The following RAP1GDS1 variants were observed in gnomAD, a reference collection of about 807,000 sequenced individuals.
RAP1GDS1 encodes Rap1 GTPase-GDP dissociation stimulator 1.
Under a neutral mutation model 71.1 loss-of-function variants are expected in RAP1GDS1, and 35 were observed. That is an observed-to-expected ratio of 0.49 (90% CI 0.38 to 0.65). RAP1GDS1 has a LOEUF of 0.65. Ranked by LOEUF, RAP1GDS1 falls within the 30% of genes least tolerant of loss-of-function variation. The pLI, the probability that RAP1GDS1 is intolerant of heterozygous loss-of-function variation, is 0.00. For missense variants in RAP1GDS1, 663 were observed against 706.1 expected (o/e 0.94, Z 0.69); for synonymous variants, 229 against 243.1 (o/e 0.94, Z 0.54).
chr4:98,353,929 A>G (rs188578087), intron 4 of RAP1GDS1, among the ~76,000 whole-genome samples: 13 of 152,300 alleles, frequency 8.5e-5, no homozygotes, highest in Non-Finnish European at 2.9e-5. Flanking sequence ...TTAGCAACAT[A>G]TATTAGACCT....
Position 98,343,185 on chromosome 4 carries a change from G to A in RAP1GDS1, c.159G>A (p.Leu53=). The A allele has an allele frequency of 6.2e-7, 1 of 1,607,678 alleles. No homozygotes were observed. Among genetic ancestry groups the A allele is most frequent in the Non-Finnish European group, 8.5e-7 (1 of 1,174,352 alleles). Residue 53 remains leucine, a synonymous_variant, in exon 3 of 15, where the codon CTG becomes CTA. Transcript: ENST00000408927. ...EKIQASGILQ[L]FASLLTPQSS... is the part of the protein sequence containing the mutation. ...TCCAAGCAAGTGGAATACTTCAGCT[G>A]TTTGCAAGTCTGTTGACTCCACAGT...
chr4:98,400,161 T>TAAA (rs145469468), intron 6 of RAP1GDS1, among the ~76,000 whole-genome samples: 1 of 150,318 alleles, frequency 6.7e-6, no homozygotes, highest in Non-Finnish European at 1.5e-5. Context: ...CATCTCAGTT[T>TAAA]AAAAAAAAAC....
At chr4:98,284,868 T>G (rs1725748571) in intron 1 of RAP1GDS1, among the ~76,000 whole-genome samples, 1 of 152,168 alleles carries the variant, frequency 6.6e-6, no homozygotes, top group Admixed American at 6.6e-5. Flanking sequence ...CTTTGAGTCC[T>G]TTCATGCCAG....
intron 7 of RAP1GDS1, among the ~76,000 whole-genome samples, chr4:98,415,069 A>G (rs1313108458): frequency 6.6e-6 from 1 of 152,132 alleles, no homozygotes; most frequent in African/African-American, 2.4e-5. Context: ...TTGATTTTGT[A>G]TTCCCCAGGG....
At chr4:98,405,971 T>A (rs1746054859) in intron 7 of RAP1GDS1, among the ~76,000 whole-genome samples, 1 of 152,116 alleles carries the variant, frequency 6.6e-6, no homozygotes. Context: ...GTAAAAGGAG[T>A]TAGAGTCCTA....
At chr4:98,343,836 G>A (rs897295021) in intron 3 of RAP1GDS1, among the ~76,000 whole-genome samples, 2 of 152,098 alleles carry the variant, frequency 1.3e-5, no homozygotes, top group South Asian at 2.1e-4. Context: ...TTATATCATA[G>A]CATAAATATT....
chr4:98,279,445 A>G (rs1386305428), intron 1 of RAP1GDS1, among the ~76,000 whole-genome samples: 2 of 151,822 alleles, frequency 1.3e-5, no homozygotes, highest in Non-Finnish European at 1.5e-5. Context: ...ATTTCAGATA[A>G]CTAGTAAATG....
chr4:98,281,862 T>G (rs1176294374), intron 1 of RAP1GDS1, among the ~76,000 whole-genome samples: 1 of 152,132 alleles, frequency 6.6e-6, no homozygotes, highest in African/African-American at 2.4e-5. Flanking sequence ...ATCTATTGAA[T>G]TAATCATGTG....
intron 13 of RAP1GDS1, among the ~76,000 whole-genome samples, chr4:98,435,635 C>T (rs141941531): frequency 1.8e-4 from 27 of 152,028 alleles, no homozygotes; most frequent in African/African-American, 6.0e-4. Context: ...TTCAAACTTA[C>T]GTTGTTCAAG....
chr4:98,313,419 T>C (rs1279971854), intron 2 of RAP1GDS1, among the ~76,000 whole-genome samples: 1 of 152,226 alleles, frequency 6.6e-6, no homozygotes, highest in Admixed American at 6.5e-5. Context: ...GCCCAGCTAA[T>C]TGATAGAAAA....
intron 1 of RAP1GDS1, among the ~76,000 whole-genome samples, chr4:98,264,460 T>G (rs1722455715): frequency 6.6e-6 from 1 of 152,044 alleles, no homozygotes; most frequent in Non-Finnish European, 1.5e-5. Flanking sequence ...GAAAGAAAAG[T>G]CCTATATAAC....
chr4:98,437,421 G>A (rs1751284716), intron 14 of RAP1GDS1, among the ~76,000 whole-genome samples: 1 of 152,134 alleles, frequency 6.6e-6, no homozygotes, highest in Non-Finnish European at 1.5e-5. Context: ...TGCAAAATCA[G>A]TAAGTCTCAT....
chr4:98,400,500 T>C (rs1745225133), intron 6 of RAP1GDS1, among the ~76,000 whole-genome samples: 1 of 141,912 alleles, frequency 7.0e-6, no homozygotes. Context: ...CTCACACATG[T>C]GGAAGCTTAA....
chr4:98,303,519 A>G (rs771309219), intron 2 of RAP1GDS1, among the ~76,000 whole-genome samples: 7 of 151,078 alleles, frequency 4.6e-5, no homozygotes, highest in African/African-American at 1.2e-4. Flanking sequence ...ATAGGCCAGC[A>G]TTTCTTGGAT....
intron 2 of RAP1GDS1, among the ~76,000 whole-genome samples, chr4:98,335,747 C>G (rs1366676594): frequency 6.7e-6 from 1 of 149,032 alleles, no homozygotes; most frequent in Non-Finnish European, 1.5e-5. Context: ...TTCACTCTTT[C>G]CTTTGGCCAA....
chr4:98,269,164 A>G (rs969212742), intron 1 of RAP1GDS1, among the ~76,000 whole-genome samples: 2 of 125,092 alleles, frequency 1.6e-5, no homozygotes, highest in Non-Finnish European at 1.6e-5. Context: ...TTTACAGTCA[A>G]TTGATCTTCA....
intron 7 of RAP1GDS1, among the ~76,000 whole-genome samples, chr4:98,405,350 G>T (rs545960795): frequency 6.6e-6 from 1 of 152,248 alleles, no homozygotes; most frequent in South Asian, 2.1e-4. Flanking sequence ...TTTAATAGCA[G>T]ATTTAATAGA....
chr4:98,401,580 GATA>G (rs2110148714), intron 6 of RAP1GDS1, among the ~76,000 whole-genome samples: 1 of 152,306 alleles, frequency 6.6e-6, no homozygotes, highest in South Asian at 2.1e-4. Flanking sequence ...GGAGTCTGCT[GATA>G]ATATTAGGCT....
intron 12 of RAP1GDS1, among the ~76,000 whole-genome samples, chr4:98,429,879 A>T (rs1242648486): frequency 6.6e-6 from 1 of 152,028 alleles, no homozygotes; most frequent in Admixed American, 6.6e-5. Flanking sequence ...AACCTTGATT[A>T]ATCTAGTATC....
Sources: allele counts gnomAD v4.1 joint callset (sites outside exome capture counted in the v4.1 genomes callset), GRCh38; gene constraint gnomAD v4.1.1; transcripts MANE v1.5; gene names NCBI Gene and HGNC (gene_info 2026-07-23, HGNC 2026-07-21).